Variants in CFDP1 observed in about 807,000 individuals in gnomAD.
The protein encoded by CFDP1 is chromatin remodeling protein CFDP1.
Under a neutral mutation model 40.1 loss-of-function variants are expected in CFDP1, and 31 were observed. The observed-to-expected ratio is 0.77, with a 90% CI of 0.58 to 1.04. The LOEUF is 1.04. Ranked by LOEUF, CFDP1 falls within the 50% of genes least tolerant of loss-of-function variation. The pLI is 0.00. For synonymous variants in CFDP1, 167 were observed against 120.0 expected (o/e 1.39, Z -2.56); for missense variants, 423 against 343.4 (o/e 1.23, Z -1.83).
At chr16:75,354,828 G>A (rs775167760) in intron 5 of CFDP1, among the ~76,000 whole-genome samples, 14 of 152,178 alleles carry the variant, frequency 9.2e-5, no homozygotes, top group Non-Finnish European at 2.1e-4. Context: ...TAATAGTACC[G>A]TCCCGTTGTT....
intron 5 of CFDP1, among the ~76,000 whole-genome samples, chr16:75,348,001 T>A (rs568619244): frequency 6.6e-6 from 1 of 152,268 alleles, no homozygotes; most frequent in African/African-American, 2.4e-5. Context: ...TAAGGAGACA[T>A]GACAACTAAC....
chr16:75,337,158 C>G (rs554247397), intron 5 of CFDP1, among the ~76,000 whole-genome samples: 1 of 152,330 alleles, frequency 6.6e-6, no homozygotes, highest in South Asian at 2.1e-4. Context: ...AAGGCAGGTA[C>G]TACTCTGCTC....
chr16:75,332,122 T>G (rs923428684), intron 5 of CFDP1, among the ~76,000 whole-genome samples: 2 of 152,180 alleles, frequency 1.3e-5, no homozygotes, highest in African/African-American at 4.8e-5. Flanking sequence ...GTCTGTCAAT[T>G]TTTTTGCCAT....
Position 75,433,471 on chromosome 16 carries a change from G to T in CFDP1, c.-119C>A. On this transcript the variant is annotated 5_prime_UTR_variant, in exon 1 of 7. It introduces an in-frame stop codon into an upstream open reading frame of the 5' UTR. Transcript: ENST00000283882. ...GGCGACGGCAGCTAGGGCGGCCCCC[G>T]ACAGCGCTTTGCACATGCGCAGAGA... 2.2e-6 allele frequency: 2 copies of T among 920,784 alleles called. No individual in the cohort carries two copies. The highest frequency in any genetic ancestry group is 3.4e-6 in the Non-Finnish European group (2 of 593,720). The allele number at this position is 920,784 out of a possible 1,614,324, so 57.0% of individuals were successfully genotyped here.
intron 5 of CFDP1, among the ~76,000 whole-genome samples, chr16:75,331,426 C>A (rs1027764272): frequency 6.6e-6 from 1 of 152,110 alleles, no homozygotes; most frequent in Non-Finnish European, 1.5e-5. Context: ...CTGAAATGCA[C>A]AGATTAAAGG....
chr16:75,334,541 G>A (rs1567648846), intron 5 of CFDP1, among the ~76,000 whole-genome samples: 1 of 151,518 alleles, frequency 6.6e-6, no homozygotes, highest in African/African-American at 2.4e-5. Flanking sequence ...CTATAAAGGA[G>A]GGAGGAAGAG....
At chr16:75,354,588 G>A (rs1212326232) in intron 5 of CFDP1, among the ~76,000 whole-genome samples, 4 of 152,156 alleles carry the variant, frequency 2.6e-5, no homozygotes, top group African/African-American at 9.7e-5. Context: ...ATGCACCATG[G>A]CTATGCAAGA....
At chr16:75,419,830 T>C (rs967074251) in intron 1 of CFDP1, among the ~76,000 whole-genome samples, 1 of 152,212 alleles carries the variant, frequency 6.6e-6, no homozygotes, top group Non-Finnish European at 1.5e-5. Context: ...TTGTTTAGCA[T>C]ATAATCAAGA....
chr16:75,314,112 C>T (rs1172755337), intron 5 of CFDP1, among the ~76,000 whole-genome samples: 2 of 151,974 alleles, frequency 1.3e-5, no homozygotes, highest in African/African-American at 2.4e-5. Flanking sequence ...CTCGAACTCC[C>T]GACCTCAGGT....
At chr16:75,407,524 T>C (rs1212528777) in intron 4 of CFDP1, among the ~76,000 whole-genome samples, 2 of 151,486 alleles carry the variant, frequency 1.3e-5, no homozygotes, top group Non-Finnish European at 2.9e-5. Context: ...CAAAAAAATT[T>C]TAAAAGTTAG....
intron 1 of CFDP1, among the ~76,000 whole-genome samples, chr16:75,427,043 A>G (rs1456465183): frequency 9.9e-6 from 1 of 100,852 alleles, no homozygotes; most frequent in African/African-American, 3.4e-5. Flanking sequence ...GGACAGCGAG[A>G]CTGTCTCAAA....
At chr16:75,309,542 C>T (rs1472683629) in intron 5 of CFDP1, among the ~76,000 whole-genome samples, 2 of 151,864 alleles carry the variant, frequency 1.3e-5, no homozygotes, top group South Asian at 2.1e-4. Flanking sequence ...CCAATCCAAC[C>T]GGGCGCTGTG....
At chr16:75,329,158 G>C (rs573015192) in intron 5 of CFDP1, among the ~76,000 whole-genome samples, 1 of 151,992 alleles carries the variant, frequency 6.6e-6, no homozygotes, top group Non-Finnish European at 1.5e-5. Context: ...GCCAACTTTT[G>C]TATTTTTAGT....
chr16:75,344,746 A>G (rs905188896), intron 5 of CFDP1, among the ~76,000 whole-genome samples: 1 of 151,666 alleles, frequency 6.6e-6, no homozygotes, highest in East Asian at 2.0e-4. Flanking sequence ...AGCCTGGCCA[A>G]TATGGTGAAA....
At chr16:75,331,403 C>A (rs377089798) in intron 5 of CFDP1, among the ~76,000 whole-genome samples, 7 of 152,280 alleles carry the variant, frequency 4.6e-5, no homozygotes, top group African/African-American at 1.7e-4. Context: ...AGGCGTAAAC[C>A]ACTATGCCCA....
intron 1 of CFDP1, among the ~76,000 whole-genome samples, chr16:75,417,269 T>C (rs559432815): frequency 4.6e-5 from 7 of 152,294 alleles, no homozygotes; most frequent in African/African-American, 1.7e-4. Flanking sequence ...GAATATATAA[T>C]AGTTTATTCA....
chr16:75,396,922 G>A (rs900806199), intron 4 of CFDP1, among the ~76,000 whole-genome samples: 2 of 151,690 alleles, frequency 1.3e-5, no homozygotes, highest in Non-Finnish European at 2.9e-5. Flanking sequence ...TTGTTTGTTT[G>A]TTTTCATTTG....
intron 5 of CFDP1, among the ~76,000 whole-genome samples, chr16:75,367,164 C>CAAAAAA (rs35018865): frequency 1.1e-5 from 1 of 87,012 alleles, no homozygotes; most frequent in Non-Finnish European, 2.3e-5. Flanking sequence ...GACTCCATCT[C>CAAAAAA]AAAAAAAAAA....
chr16:75,410,034 C>CTGTGT (rs1398306712), intron 4 of CFDP1, among the ~76,000 whole-genome samples: 1 of 101,982 alleles, frequency 9.8e-6, no homozygotes, highest in African/African-American at 3.9e-5. Flanking sequence ...CCAGCCTAGG[C>CTGTGT]AACACAGCAA....
Sources: gnomAD v4.1 joint callset for allele counts (sites outside exome capture counted in the v4.1 genomes callset) on GRCh38, gnomAD v4.1.1 for gene constraint, MANE v1.5 for transcripts, NCBI Gene and HGNC (gene_info 2026-07-23, HGNC 2026-07-21) for gene names.